Variants in FNIP2 observed in about 807,000 individuals in gnomAD.
The protein encoded by FNIP2 is folliculin-interacting protein 2.
Under a neutral mutation model 108.7 loss-of-function variants are expected in FNIP2, and 32 were observed. That is an observed-to-expected ratio of 0.29 (90% CI 0.22 to 0.40). The LOEUF is 0.40. Ranked by LOEUF, FNIP2 falls within the 10% of genes least tolerant of loss-of-function variation. The probability of loss-of-function intolerance (pLI) is 1.00; values close to 1 mark genes in which losing one functional copy is unlikely to be tolerated. For synonymous variants in FNIP2, 480 were observed against 496.7 expected, an observed-to-expected ratio of 0.97 and a Z score of 0.45; for missense variants, 1,202 against 1,381.6, an observed-to-expected ratio of 0.87 and a Z score of 2.06.
At position 158,891,522 on chromosome 4, in the gene FNIP2, C is replaced by T; in HGVS notation, c.3026C>T (p.Ala1009Val). The change falls in exon 15 of 17, where the codon GCT becomes GTT. Residue 1009 changes from alanine to valine, a missense_variant. By Grantham distance (64) the Ala-to-Val change is moderately conservative. Around this residue, in one of 5 missense-constraint regions of FNIP2, gnomAD observed 142 missense variants for 183.8 expected, o/e 0.77. Coordinates refer to ENST00000264433, the MANE Select transcript of FNIP2 (RefSeq NM_020840.3). Reference sequence around the variant, plus strand: ...ACGGATAAATGGAGTGTGCAGGTAGCTACAAGTCAGAGGAAAGTGACGGAC... The same window carrying T: ...ACGGATAAATGGAGTGTGCAGGTAGTTACAAGTCAGAGGAAAGTGACGGAC... ...ADTDKWSVQV[A>V]TSQRKVTDNM... 6.2e-7 allele frequency: 1 copy of T among 1,610,436 alleles called. No individual in the cohort carries two copies. The highest frequency in any genetic ancestry group is 8.5e-7 in the Non-Finnish European group (1 of 1,178,314).
chr4:158,862,997 C>T (rs1315722501), intron 12 of FNIP2, among the ~76,000 whole-genome samples: 1 of 152,192 alleles, frequency 6.6e-6, no homozygotes, highest in Non-Finnish European at 1.5e-5. Context: ...CATTAATTCC[C>T]TATGTTCAGC....
chr4:158,825,931 G>A lies in FNIP2; in HGVS notation c.123G>A (p.Glu41=). Residue 41 remains glutamate, a synonymous_variant, in exon 2 of 17, where the codon GAG becomes GAA. Transcript: ENST00000264433. ...TAATCCACAGTTGGTCATGTTCGGA[G>A]TTTGACCTGAATGAGATTCGCCTGA... ...EGPAFSWSCS[E]FDLNEIRLIV... 6.2e-7 allele frequency: 1 copy of A among 1,607,440 alleles called. No individual in the cohort carries two copies. The highest frequency in any genetic ancestry group is 1.1e-5 in the South Asian group (1 of 91,014).
chr4:158,884,925 G>GACA (rs1781937595), intron 14 of FNIP2, among the ~76,000 whole-genome samples: 1 of 150,664 alleles, frequency 6.6e-6, no homozygotes, highest in South Asian at 2.1e-4. Context: ...CGGATCACTT[G>GACA]AGGCCAGGAG....
intron 1 of FNIP2, among the ~76,000 whole-genome samples, chr4:158,807,530 T>A (rs1777036751): frequency 6.6e-6 from 1 of 151,986 alleles, no homozygotes; most frequent in South Asian, 2.1e-4. Flanking sequence ...TAAAATAAAT[T>A]CACTTAAAAC....
At chr4:158,826,528 T>C (rs907610086) in intron 2 of FNIP2, among the ~76,000 whole-genome samples, 2 of 152,238 alleles carry the variant, frequency 1.3e-5, no homozygotes, top group African/African-American at 4.8e-5. Flanking sequence ...ACCTGCATTG[T>C]TATCTTCAAA....
At chr4:158,809,394 G>C (rs1056616795) in intron 1 of FNIP2, among the ~76,000 whole-genome samples, 11 of 152,208 alleles carry the variant, frequency 7.2e-5, no homozygotes, top group African/African-American at 2.4e-4. Flanking sequence ...GGGATGCAGA[G>C]GTTGCAGTGA....
At chr4:158,871,723 A>C in intron 14 of FNIP2, 1 of 985,378 alleles carries the variant, frequency 1.0e-6, no homozygotes, top group Non-Finnish European at 1.2e-6. Context: ...GAAACTATGA[A>C]GTTGCTTTTG....
chr4:158,856,200 T>C (rs1254031409), intron 8 of FNIP2, among the ~76,000 whole-genome samples: 1 of 152,176 alleles, frequency 6.6e-6, no homozygotes, highest in Non-Finnish European at 1.5e-5. Context: ...CCTTTTGATT[T>C]GACTTATTAA....
chr4:158,875,534 ATATATATG>A (rs1431544303), intron 14 of FNIP2, among the ~76,000 whole-genome samples: 3 of 105,256 alleles, frequency 2.9e-5, no homozygotes, highest in African/African-American at 9.7e-5. Context: ...ATATATATAT[ATATATATG>A]CTCATGAATA....
In FNIP2 at chr4:158,868,502, A is replaced by G; in HGVS notation, c.1866A>G (p.Pro622=). 1 of 1,614,052 alleles carries G rather than the reference A, an allele frequency of 6.2e-7. No homozygotes were observed. Among genetic ancestry groups the G allele is most frequent in the Non-Finnish European group, 8.5e-7 (1 of 1,179,886 alleles). ...CTGACAAAGAAGCTAACAGGAGGCC[A>G]GAGCAGGGTTCTGAGGCTTGCAGCG... ...LKPDKEANRR[P]EQGSEACSAG... is the part of the protein sequence containing the mutation. Residue 622 remains proline (P), a synonymous_variant, in exon 13 of 17, where the codon CCA becomes CCG. Coordinates refer to ENST00000264433, the MANE Select transcript of FNIP2 (RefSeq NM_020840.3). This position sits in a 1 kb window ranked among gnomAD's most constrained non-coding sequence, Gnocchi z 4.6.
chr4:158,901,737 A>G (rs1729299931), intron 16 of FNIP2, among the ~76,000 whole-genome samples: 1 of 151,194 alleles, frequency 6.6e-6, no homozygotes, highest in Admixed American at 6.6e-5. Flanking sequence ...CATTAAGTTG[A>G]TCTTCAATCT....
At chr4:158,807,294 T>G (rs1226051317) in intron 1 of FNIP2, among the ~76,000 whole-genome samples, 1 of 152,056 alleles carries the variant, frequency 6.6e-6, no homozygotes, top group Non-Finnish European at 1.5e-5. Context: ...GCCTAGGAGT[T>G]CAAGACTAGC....
At chr4:158,787,428 A>ATT (rs1776259801) in intron 1 of FNIP2, among the ~76,000 whole-genome samples, 1 of 152,204 alleles carries the variant, frequency 6.6e-6, no homozygotes, top group African/African-American at 2.4e-5. Context: ...ACTTAACTGT[A>ATT]AACTTGATAT....
At chr4:158,778,695 A>G (rs1775935986) in intron 1 of FNIP2, among the ~76,000 whole-genome samples, 1 of 152,210 alleles carries the variant, frequency 6.6e-6, no homozygotes, top group African/African-American at 2.4e-5. Context: ...TATGTATGGG[A>G]AAAAACATAG....
intron 1 of FNIP2, among the ~76,000 whole-genome samples, chr4:158,789,599 A>G (rs1039067422): frequency 6.6e-6 from 1 of 152,242 alleles, no homozygotes; most frequent in African/African-American, 2.4e-5. Context: ...TCCATATTCT[A>G]GGTACAAAGC....
intron 16 of FNIP2, 30 bp from the exon 17 acceptor site, chr4:158,904,436 G>C: frequency 1.3e-6 from 2 of 1,554,610 alleles, no homozygotes; most frequent in East Asian, 2.2e-5. Flanking sequence ...CTCTTTTAAA[G>C]TAATATTCTT....
At chr4:158,833,506 TC>T in intron 5 of FNIP2, 21 bp from the exon 6 acceptor site, 15 of 1,493,478 alleles carry the variant, frequency 1.0e-5, no homozygotes, top group Non-Finnish European at 1.1e-5. Flanking sequence ...TTTCTCCTTT[TC>T]CCCCCCATCT....
intron 1 of FNIP2, among the ~76,000 whole-genome samples, chr4:158,773,362 A>G (rs997956493): frequency 2.0e-5 from 3 of 152,138 alleles, no homozygotes; most frequent in Non-Finnish European, 2.9e-5. Context: ...AGTGAGTTCT[A>G]TTAAGAGCAC....
At chr4:158,873,496 A>G (rs1781081548) in intron 14 of FNIP2, among the ~76,000 whole-genome samples, 1 of 152,160 alleles carries the variant, frequency 6.6e-6, no homozygotes, top group Non-Finnish European at 1.5e-5. Flanking sequence ...GGCACAGGCC[A>G]CTGTACCTGG....
Sources: allele counts gnomAD v4.1 joint callset (sites outside exome capture counted in the v4.1 genomes callset), GRCh38; gene constraint gnomAD v4.1.1; regional missense constraint gnomAD v4.1.1; non-coding constraint Gnocchi (gnomAD v3.1); transcripts MANE v1.5; gene names NCBI Gene and HGNC (gene_info 2026-07-23, HGNC 2026-07-21).